The following ST3GAL3 variants were observed in gnomAD, a reference collection of about 807,000 sequenced individuals.
ST3GAL3 encodes the protein ST3 beta-galactoside alpha-2,3-sialyltransferase 3, also known as CMP-N-acetylneuraminate-beta-1,4-galactoside alpha-2,3-sialyltransferase.
In ST3GAL3, 21 loss-of-function variants were observed where a neutral mutation model predicts 50.1. The observed-to-expected ratio is 0.42, with a 90% CI of 0.30 to 0.60. ST3GAL3 has a LOEUF of 0.60. Among genes scored for constraint, ST3GAL3 ranks in the 20% least tolerant of loss-of-function variants. The pLI, the probability that ST3GAL3 is intolerant of heterozygous loss-of-function variation, is 0.19. For synonymous variants in ST3GAL3, 183 were observed against 190.0 expected (o/e 0.96, Z 0.30); for missense variants, 353 against 489.4 (o/e 0.72, Z 2.63).
chr1:43,718,132 C>T (rs543215828), intron 1 of ST3GAL3, among the ~76,000 whole-genome samples: 25 of 150,322 alleles, frequency 1.7e-4, no homozygotes, highest in African/African-American at 6.1e-4. Flanking sequence ...CTTGGCCTCC[C>T]AAAGTGTTGG....
At chr1:43,762,974 C>T (rs1033667379) in intron 2 of ST3GAL3, among the ~76,000 whole-genome samples, 5 of 152,148 alleles carry the variant, frequency 3.3e-5, no homozygotes, top group Non-Finnish European at 7.4e-5. Flanking sequence ...AGAAGTCGTG[C>T]AAAGGCATGT....
At chr1:43,736,406 C>T in intron 2 of ST3GAL3, 26 bp downstream of exon 2, 1 of 1,614,100 alleles carries the variant, frequency 6.2e-7, no homozygotes, top group East Asian at 2.2e-5. Context: ...CTAGCTCACC[C>T]CAGGAGAAGC....
intron 11 of ST3GAL3, among the ~76,000 whole-genome samples, chr1:43,926,493 G>A (rs1242552217): frequency 1.3e-5 from 2 of 151,788 alleles, no homozygotes; most frequent in Non-Finnish European, 2.9e-5. Flanking sequence ...GGAGGCTGGG[G>A]CAGGAGAATC....
chr1:43,824,052 A>G (rs1247405388), intron 4 of ST3GAL3, among the ~76,000 whole-genome samples: 3 of 152,252 alleles, frequency 2.0e-5, no homozygotes, highest in African/African-American at 4.8e-5. Flanking sequence ...GCTCACAGAT[A>G]TATTCACAAT....
chr1:43,740,354 G>A (rs199784001), intron 2 of ST3GAL3, among the ~76,000 whole-genome samples: 1 of 150,088 alleles, frequency 6.7e-6, no homozygotes. Context: ...AAAAAAAAAA[G>A]ACTTATTTCT....
rs79287383 is a variant in ST3GAL3, at chr1:43,849,830, G to T, written c.302+11519G>T. On this transcript the variant is annotated intron_variant, in intron 5 of 11. Transcript: ENST00000347631. ...AGCACACAGCAGAAGCTTCAGAGGC[G>T]AATTCAGCTCCCCTTTGGCATGCTG... Among the ~76,000 whole-genome samples the T allele has an allele frequency of 8.9e-3, 1,358 of 152,326 alleles. 27 individuals carry two copies. The highest frequency in any genetic ancestry group is 0.032 in the African/African-American group (1,321 of 41,570).
At chr1:43,774,700 G>A (rs1044827213) in intron 2 of ST3GAL3, among the ~76,000 whole-genome samples, 1 of 152,208 alleles carries the variant, frequency 6.6e-6, no homozygotes, top group African/African-American at 2.4e-5. Context: ...GGAAAAGTGA[G>A]TGGTAGGATT....
At position 43,899,876 on chromosome 1, in the gene ST3GAL3, CA is replaced by C. The variant is rs2078000827; in HGVS notation, c.744+150del. On this transcript the variant is annotated intron_variant, in intron 9 of 11. Transcript: ENST00000347631. This position sits in a 1 kb window ranked among gnomAD's most constrained non-coding sequence, Gnocchi z 5.4. ...AAAGCCGAAATCACCCAATGGCAAC[CA>C]GGGGGCAAAGAGGTCAGGAGATTGC... is the stretch of plus-strand genomic sequence containing the variant. 1.2e-5 allele frequency: 10 copies of C among 848,238 alleles called. No individual in the cohort carries two copies. The highest frequency in any genetic ancestry group is 1.9e-5 in the Non-Finnish European group (10 of 518,208). 52.5% of individuals were successfully genotyped at this position (848,238 alleles called of 1,614,324 possible). A position where few individuals can be genotyped will look rare whatever the true frequency, so the allele number is the denominator to read the frequency against.
At position 43,851,693 on chromosome 1, in the gene ST3GAL3, A is replaced by G; in HGVS notation, c.302+13382A>G. 3.8e-6 allele frequency: 5 copies of G among 1,323,750 alleles called. No homozygotes were observed. The South Asian group carries it at 6.1e-5, about 16-fold the overall frequency. The allele number at this position is 1,323,750 out of a possible 1,614,324, so 82.0% of individuals were successfully genotyped here. A position where few individuals can be genotyped will look rare whatever the true frequency, so the allele number is the denominator to read the frequency against. On this transcript the variant is annotated intron_variant, in intron 5 of 11. Coordinates refer to ENST00000347631, the MANE Select transcript of ST3GAL3 (RefSeq NM_006279.5). The stretch of plus-strand genomic sequence containing the variant: ...CAGCATCTTGTCATGTGAGGACCAC[A>G]GGTCAGCATCCTTGTGGGCCCTGTT...
chr1:43,779,836 T>C (rs1698767002), intron 2 of ST3GAL3, among the ~76,000 whole-genome samples: 1 of 152,248 alleles, frequency 6.6e-6, no homozygotes, highest in Non-Finnish European at 1.5e-5. Flanking sequence ...GTTTTCTATG[T>C]ATTTGTCACT....
At chr1:43,859,627 C>T (rs2069395588) in intron 5 of ST3GAL3, among the ~76,000 whole-genome samples, 1 of 152,170 alleles carries the variant, frequency 6.6e-6, no homozygotes, top group East Asian at 1.9e-4. Context: ...CTGCTCAGCC[C>T]CTTCAGATAG....
At chr1:43,810,640 A>AT (rs1318752968) in intron 3 of ST3GAL3, among the ~76,000 whole-genome samples, 1 of 152,108 alleles carries the variant, frequency 6.6e-6, no homozygotes, top group Non-Finnish European at 1.5e-5. Flanking sequence ...GGGAGTCATC[A>AT]TTTTCCACAA....
intron 2 of ST3GAL3, among the ~76,000 whole-genome samples, chr1:43,752,185 G>C (rs1686409327): frequency 6.6e-6 from 1 of 152,174 alleles, no homozygotes; most frequent in Admixed American, 6.6e-5. Flanking sequence ...CATGCATCAT[G>C]TTATTTAATC....
intron 2 of ST3GAL3, among the ~76,000 whole-genome samples, chr1:43,762,228 C>G (rs920680953): frequency 1.3e-5 from 2 of 150,054 alleles, no homozygotes; most frequent in African/African-American, 4.9e-5. Context: ...CCACTGTACT[C>G]CAGCCTTAGC....
intron 2 of ST3GAL3, among the ~76,000 whole-genome samples, chr1:43,776,664 C>G (rs1268682597): frequency 1.3e-5 from 2 of 152,166 alleles, no homozygotes; most frequent in African/African-American, 4.8e-5. Context: ...CTTTCCAAAG[C>G]TGCTACATCA....
chr1:43,758,776 C>T (rs192073510), intron 2 of ST3GAL3, among the ~76,000 whole-genome samples: 27 of 152,058 alleles, frequency 1.8e-4, no homozygotes, highest in Admixed American at 1.3e-3. Context: ...CCTATAATTC[C>T]AGCACTTTGG....
chr1:43,797,933 T>C (rs1286833527), intron 3 of ST3GAL3, among the ~76,000 whole-genome samples: 2 of 152,226 alleles, frequency 1.3e-5, no homozygotes, highest in Non-Finnish European at 2.9e-5. Context: ...TGTTTTTAAG[T>C]ACTAGCAATG....
At chr1:43,824,634 C>T in intron 4 of ST3GAL3, 1 of 1,449,304 alleles carries the variant, frequency 6.9e-7, no homozygotes, top group South Asian at 1.1e-5. Flanking sequence ...TGCTTCATGA[C>T]ATCTAGCATT....
intron 4 of ST3GAL3, among the ~76,000 whole-genome samples, chr1:43,832,263 G>C (rs1323554058): frequency 6.6e-6 from 1 of 152,186 alleles, no homozygotes; most frequent in Non-Finnish European, 1.5e-5. Context: ...CAAATAGGAA[G>C]GTGGCCTGGT....
Sources: gnomAD v4.1 joint callset for allele counts (sites outside exome capture counted in the v4.1 genomes callset) on GRCh38, gnomAD v4.1.1 for gene constraint, Gnocchi (gnomAD v3.1) non-coding constraint, MANE v1.5 for transcripts, NCBI Gene and HGNC (gene_info 2026-07-23, HGNC 2026-07-21) for gene names.